The following ZMIZ1 variants were observed in gnomAD, a reference collection of about 807,000 sequenced individuals.
ZMIZ1 encodes zinc finger MIZ domain-containing protein 1.
Under a neutral mutation model 113.9 loss-of-function variants are expected in ZMIZ1, and 17 were observed. The ratio of observed to expected loss-of-function variants is 0.15; its 90% CI spans 0.10 to 0.22. The LOEUF (loss-of-function observed/expected upper bound fraction) is 0.22. ZMIZ1 is among the 10% of genes least tolerant of loss of function. The probability of loss-of-function intolerance (pLI) is 1.00; values close to 1 mark genes in which losing one functional copy is unlikely to be tolerated. For missense variants in ZMIZ1, 1,059 were observed against 1,477.8 expected, an observed-to-expected ratio of 0.72 and a Z score of 4.65; for synonymous variants, 607 against 603.1, an observed-to-expected ratio of 1.01 and a Z score of -0.09.
At chr10:79,130,116 T>C (rs1197210245) in intron 2 of ZMIZ1, among the ~76,000 whole-genome samples, 1 of 152,124 alleles carries the variant, frequency 6.6e-6, no homozygotes, top group Non-Finnish European at 1.5e-5. Context: ...CCCTTAACCA[T>C]CTCTGGATCT....
Position 79,222,631 on chromosome 10 carries a change from T to TAA in ZMIZ1, c.280+6357_280+6358insAA, listed in dbSNP as rs1849027004. On this transcript the variant is annotated intron_variant, in intron 7 of 24. Coordinates refer to ENST00000334512, the MANE Select transcript of ZMIZ1 (RefSeq NM_020338.4). ...GGGGCTGAGACATGCCCTGGGCCCC[T>TAA]GGCCAGCCTGGGAGGTAAAGATTCA... Among the ~76,000 whole-genome samples the TAA allele has an allele frequency of 2.0e-5, 3 of 152,274 alleles. No individual in the cohort carries two copies. In the South Asian group the frequency reaches 6.2e-4, roughly 32 times the overall value.
intron 7 of ZMIZ1, among the ~76,000 whole-genome samples, chr10:79,264,849 G>A (rs1851495982): frequency 1.3e-5 from 2 of 152,188 alleles, no homozygotes; most frequent in African/African-American, 4.8e-5. Context: ...AAAAGAAAGG[G>A]GGGCATTCCC....
intron 1 of ZMIZ1, among the ~76,000 whole-genome samples, chr10:79,091,619 A>T (rs1842985497): frequency 6.6e-6 from 1 of 152,050 alleles, no homozygotes; most frequent in Non-Finnish European, 1.5e-5. Flanking sequence ...GGCTGCACTG[A>T]GGATGGAGAG....
intron 18 of ZMIZ1, 61 bp downstream of exon 18, chr10:79,302,273 G>T: frequency 6.5e-7 from 1 of 1,533,924 alleles, no homozygotes; most frequent in Non-Finnish European, 9.0e-7. Flanking sequence ...GTTTGGGACT[G>T]AGAAGCAGTC....
chr10:79,171,566 CAAAG>C (rs1193466127), intron 4 of ZMIZ1, among the ~76,000 whole-genome samples: 2 of 152,182 alleles, frequency 1.3e-5, no homozygotes, highest in East Asian at 1.9e-4. Context: ...CTTCAGGAGA[CAAAG>C]AAACAGACCT....
intron 1 of ZMIZ1, among the ~76,000 whole-genome samples, chr10:79,086,608 G>A (rs1299211483): frequency 6.6e-6 from 1 of 152,092 alleles, no homozygotes; most frequent in African/African-American, 2.4e-5. Context: ...CGAACTCCTG[G>A]ACTCAAGCGA....
intron 7 of ZMIZ1, among the ~76,000 whole-genome samples, chr10:79,261,257 T>C (rs1851249458): frequency 6.6e-6 from 1 of 152,188 alleles, no homozygotes; most frequent in South Asian, 2.1e-4. Flanking sequence ...CGCGCTCAGC[T>C]CAGGCCAGCT....
intron 1 of ZMIZ1, among the ~76,000 whole-genome samples, chr10:79,093,924 C>G (rs189407870): frequency 6.6e-6 from 1 of 152,120 alleles, no homozygotes; most frequent in East Asian, 1.9e-4. Context: ...TTTATCAGCT[C>G]GAGCAAGTCG....
At chr10:79,173,058 T>C (rs548180185) in intron 4 of ZMIZ1, among the ~76,000 whole-genome samples, 105 of 152,312 alleles carry the variant, frequency 6.9e-4, no homozygotes, top group African/African-American at 2.5e-3. Flanking sequence ...CCAAATCTGC[T>C]GGCTCTGCAC....
chr10:79,189,010 C>T (rs936876575), intron 4 of ZMIZ1, among the ~76,000 whole-genome samples: 1 of 152,178 alleles, frequency 6.6e-6, no homozygotes, highest in Non-Finnish European at 1.5e-5. Flanking sequence ...TCCCAGTCAC[C>T]AGAGCACAGT....
chr10:79,298,233 T>A (rs1854038716), intron 14 of ZMIZ1, among the ~76,000 whole-genome samples, 173 bp from the exon 15 acceptor site: 1 of 152,132 alleles, frequency 6.6e-6, no homozygotes, highest in Admixed American at 6.5e-5. Context: ...TTCCCAGGGC[T>A]GTCTTCTGAG....
chr10:79,075,402 A>G (rs1038632436), intron 1 of ZMIZ1, among the ~76,000 whole-genome samples: 1 of 152,158 alleles, frequency 6.6e-6, no homozygotes, highest in Non-Finnish European at 1.5e-5. Context: ...CTTCAGGGAA[A>G]GTCTGGAATT....
intron 5 of ZMIZ1, among the ~76,000 whole-genome samples, chr10:79,204,124 C>T (rs1315681635): frequency 1.3e-5 from 2 of 152,226 alleles, no homozygotes; most frequent in Admixed American, 6.5e-5. Flanking sequence ...GTAACCTAAT[C>T]AGAAGAGAAA....
intron 1 of ZMIZ1, among the ~76,000 whole-genome samples, chr10:79,079,311 C>A (rs1328613526): frequency 3.3e-5 from 5 of 152,184 alleles, no homozygotes; most frequent in African/African-American, 1.2e-4. Flanking sequence ...AACCTGTGGT[C>A]AAGCCTTTGC....
chr10:79,209,363 C>T (rs1848453440), intron 6 of ZMIZ1, among the ~76,000 whole-genome samples: 1 of 152,222 alleles, frequency 6.6e-6, no homozygotes. Context: ...GGCTAAGGAG[C>T]TTGCCAGCCA....
intron 1 of ZMIZ1, among the ~76,000 whole-genome samples, chr10:79,114,198 A>G (rs889637262): frequency 3.9e-5 from 6 of 152,256 alleles, no homozygotes; most frequent in Non-Finnish European, 4.4e-5. Flanking sequence ...AAAACACCCC[A>G]GTGGAAACTG....
At position 79,092,916 on chromosome 10, in the gene ZMIZ1, T is replaced by C. The variant is rs1843028091; in HGVS notation, c.-337+23646T>C. On this transcript the variant is annotated intron_variant, in intron 1 of 24. Transcript: ENST00000334512. ...TTTTCTGATAATAGAGCCCTTGAGA[T>C]AGTGAGGAGACAGTACCGGAAGCAG... Among the ~76,000 whole-genome samples the C allele has an allele frequency of 5.3e-5, 8 of 151,960 alleles. No individual in the cohort carries two copies. In the South Asian group the frequency reaches 1.0e-3, roughly 20 times the overall value.
intron 13 of ZMIZ1, among the ~76,000 whole-genome samples, chr10:79,297,152 CAT>C (rs1184215903): frequency 6.6e-6 from 1 of 152,130 alleles, no homozygotes; most frequent in Non-Finnish European, 1.5e-5. Flanking sequence ...ATCACCATAT[CAT>C]ATTTTATTAT....
chr10:79,160,427 C>T (rs1175520506), intron 3 of ZMIZ1, among the ~76,000 whole-genome samples: 1 of 152,196 alleles, frequency 6.6e-6, no homozygotes, highest in African/African-American at 2.4e-5. Context: ...CATCAGCTGA[C>T]GTGTGTGGAG....
Sources: gnomAD v4.1 joint callset for allele counts (sites outside exome capture counted in the v4.1 genomes callset) on GRCh38, gnomAD v4.1.1 for gene constraint, MANE v1.5 for transcripts, NCBI Gene and HGNC (gene_info 2026-07-23, HGNC 2026-07-21) for gene names.